Variants in SEPTIN8 observed in about 807,000 individuals in gnomAD.
The protein encoded by SEPTIN8 is septin-8.
In SEPTIN8, 22 loss-of-function variants were observed where a neutral mutation model predicts 53.1. The observed-to-expected ratio is 0.41, with a 90% CI of 0.30 to 0.59. The LOEUF (loss-of-function observed/expected upper bound fraction) is 0.59, where lower values mean the gene tolerates loss of function less well. Ranked by LOEUF, SEPTIN8 falls within the 20% of genes least tolerant of loss-of-function variation. SEPTIN8 has a pLI of 0.24. For missense variants in SEPTIN8, 536 were observed against 638.7 expected (o/e 0.84, Z 1.73); for synonymous variants, 228 against 248.4 (o/e 0.92, Z 0.77).
intron 9 of SEPTIN8, among the ~76,000 whole-genome samples, chr5:132,755,838 T>A (rs1165393352): frequency 1.3e-5 from 2 of 152,208 alleles, no homozygotes; most frequent in Non-Finnish European, 2.9e-5. Context: ...CTTTCACAGA[T>A]GTCTGTAGCA....
chr5:132,773,525 G>A lies in SEPTIN8; in HGVS notation c.30+3583C>T, dbSNP rs759061550. Among the ~76,000 whole-genome samples, 6 of 152,194 alleles carry A rather than the reference G, an allele frequency of 3.9e-5. No individual in the cohort carries two copies. The highest frequency in any genetic ancestry group is 8.8e-5 in the Non-Finnish European group (6 of 68,036). The stretch of plus-strand genomic sequence containing the variant: ...GTATCCACCCTCTCTGTCATCTCTG[G>A]TATTGGAATTTGGATCTTGTTCCCC... On this transcript the variant is annotated intron_variant, in intron 1 of 9. Coordinates refer to ENST00000378719, the MANE Select transcript of SEPTIN8 (RefSeq NM_001098811.2). The surrounding 1 kb of genome is among the most constrained non-coding windows in gnomAD (Gnocchi z 4.2).
At chr5:132,763,939 GC>G in intron 3 of SEPTIN8, 47 bp from the exon 4 acceptor site, 3 of 1,499,950 alleles carry the variant, frequency 2.0e-6, no homozygotes, top group Non-Finnish European at 2.7e-6. Flanking sequence ...GAGATCAGGG[GC>G]TTGGGGCTTG....
chr5:132,760,250 G>A lies in SEPTIN8; in HGVS notation c.1286+552C>T, dbSNP rs1195033420. Among the ~76,000 whole-genome samples, 1 of 152,024 alleles carries A rather than the reference G, an allele frequency of 6.6e-6. No individual in the cohort carries two copies. The highest frequency in any genetic ancestry group is 1.5e-5 in the Non-Finnish European group (1 of 68,018). On this transcript the variant is annotated intron_variant, in intron 9 of 9. Coordinates refer to ENST00000378719, the MANE Select transcript of SEPTIN8 (RefSeq NM_001098811.2). This position sits in a 1 kb window ranked among gnomAD's most constrained non-coding sequence, Gnocchi z 5.2. ...ACTGCCCCACAGACTGAGGAGGGATGCGCCACAGGTGTCCAAGCAGAAACC... is the reference window on the plus strand; with the variant it reads ...ACTGCCCCACAGACTGAGGAGGGATACGCCACAGGTGTCCAAGCAGAAACC...
chr5:132,763,346 T>C (rs896635081), intron 4 of SEPTIN8, among the ~76,000 whole-genome samples: 2 of 151,936 alleles, frequency 1.3e-5, no homozygotes, highest in Non-Finnish European at 2.9e-5. Context: ...AAATTAGGAA[T>C]TGAGAGATAG....
At chr5:132,758,473 C>A (rs1331930451) in intron 9 of SEPTIN8, 2 of 1,608,540 alleles carry the variant, frequency 1.2e-6, no homozygotes, top group African/African-American at 1.3e-5. Flanking sequence ...GGCCTAGCAT[C>A]CCGGCTGGGG....
intron 3 of SEPTIN8, 141 bp from the exon 4 acceptor site, chr5:132,764,033 G>A (rs1561755847): frequency 1.0e-6 from 1 of 1,002,070 alleles, no homozygotes; most frequent in Non-Finnish European, 1.5e-6. Context: ...ATCCCTGACT[G>A]GATACAGGCA....
In SEPTIN8 at chr5:132,773,431, C is replaced by T. The variant is rs13354173; in HGVS notation, c.30+3677G>A. Among the ~76,000 whole-genome samples the T allele has an allele frequency of 0.035, 5,352 of 152,254 alleles. 301 individuals carry two copies. The highest frequency in any genetic ancestry group is 0.12 in the African/African-American group (5,047 of 41,510). ...GCTGGACTTGAGCCACAGAGACATT[C>T]GTGGTAGTTACTGCCCCAAATATAA... On this transcript the variant is annotated intron_variant, in intron 1 of 9. Transcript: ENST00000378719. This position sits in a 1 kb window ranked among gnomAD's most constrained non-coding sequence, Gnocchi z 4.2.
At chr5:132,763,585 G>C in intron 4 of SEPTIN8, 121 bp downstream of exon 4, 1 of 875,526 alleles carries the variant, frequency 1.1e-6, no homozygotes, top group Non-Finnish European at 1.8e-6. Context: ...CCAATGGGGG[G>C]CCACCCACAA....
At chr5:132,765,633 C>A in intron 1 of SEPTIN8, 104 bp from the exon 2 acceptor site, 5 of 1,340,956 alleles carry the variant, frequency 3.7e-6, no homozygotes, top group Non-Finnish European at 5.0e-6. Flanking sequence ...CAGCCCCACC[C>A]GATGTCTGAA....
rs896310790 is a variant in SEPTIN8 at position 132,776,406 on chromosome 5, C to T, written c.30+702G>A. 4.6e-5 allele frequency among the ~76,000 whole-genome samples: 7 copies of T among 152,200 alleles called. No individual in the cohort carries two copies. The highest frequency in any genetic ancestry group is 9.7e-5 in the African/African-American group (4 of 41,450). ...CCCAGTGAGACCCCTGCAGGGACCA[C>T]CAGGGACATCAACCTTCTGAGGACC... On this transcript the variant is annotated intron_variant, in intron 1 of 9. Coordinates refer to ENST00000378719, the MANE Select transcript of SEPTIN8 (RefSeq NM_001098811.2). The surrounding 1 kb of genome is among the most constrained non-coding windows in gnomAD (Gnocchi z 4.4).
chr5:132,751,770 C>G lies in SEPTIN8; in HGVS notation c.*246G>C. ...AAGCAGACTTTTTTTTTTTTTTGGTCCCGGAGTGGAAGCTCAGCTTGGCCA... is the reference window on the plus strand; with the variant it reads ...AAGCAGACTTTTTTTTTTTTTTGGTGCCGGAGTGGAAGCTCAGCTTGGCCA... On this transcript the variant is annotated 3_prime_UTR_variant, in exon 10 of 10. Coordinates refer to ENST00000378719, the MANE Select transcript of SEPTIN8 (RefSeq NM_001098811.2). 1 of 604,294 alleles carries G rather than the reference C, an allele frequency of 1.7e-6. No homozygotes were observed. The highest frequency in any genetic ancestry group is 2.9e-5 in the East Asian group (1 of 34,240). 37.4% of individuals were successfully genotyped at this position (604,294 alleles called of 1,614,324 possible). A position where few individuals can be genotyped will look rare whatever the true frequency, so the allele number is the denominator to read the frequency against.
At chr5:132,759,000 G>A in intron 9 of SEPTIN8, 1 of 745,998 alleles carries the variant, frequency 1.3e-6, no homozygotes, top group South Asian at 1.5e-5. Flanking sequence ...CAGGCTAAGG[G>A]TCAAGATCTG....
chr5:132,778,140 A>C, upstream of SEPTIN8: 1 of 926,234 alleles, frequency 1.1e-6, no homozygotes, highest in South Asian at 5.0e-5. Flanking sequence ...AATCTATACA[A>C]AAGCAGCTCC....
rs191661318 is a variant in SEPTIN8 at position 132,761,308 on chromosome 5, C to T, written c.963-43G>A. The T allele has an allele frequency of 4.4e-5, 71 of 1,609,506 alleles. No individual in the cohort carries two copies. Among genetic ancestry groups the T allele is most frequent in the Non-Finnish European group, 5.2e-5 (61 of 1,179,808 alleles). ...AAAGAGGCCAAGGATGGGATTATGA[C>T]GGAATGGGATAGGGCAGGGCAGAGC... On this transcript the variant is annotated intron_variant, in intron 7 of 9. Coordinates refer to ENST00000378719, the MANE Select transcript of SEPTIN8 (RefSeq NM_001098811.2). This position sits in a 1 kb window ranked among gnomAD's most constrained non-coding sequence, Gnocchi z 5.8.
chr5:132,754,340 C>T (rs1190214848), intron 9 of SEPTIN8: 6 of 708,450 alleles, frequency 8.5e-6, no homozygotes, highest in Non-Finnish European at 1.6e-5. Context: ...CCGTTGAGTG[C>T]CCTCTGCCTC....
At chr5:132,757,337 C>T (rs540935176) in intron 9 of SEPTIN8, 19 of 985,310 alleles carry the variant, frequency 1.9e-5, no homozygotes, top group African/African-American at 5.2e-5. Flanking sequence ...TCTTCCTGGC[C>T]GTGCCTCGGT....
chr5:132,776,154 T>G lies in SEPTIN8; in HGVS notation c.30+954A>C, dbSNP rs2150010170. Among the ~76,000 whole-genome samples, 1 of 151,456 alleles carries G rather than the reference T, an allele frequency of 6.6e-6. No homozygotes were observed. Among genetic ancestry groups the G allele is most frequent in the East Asian group, 1.9e-4 (1 of 5,136 alleles). On this transcript the variant is annotated intron_variant, in intron 1 of 9. Coordinates refer to ENST00000378719, the MANE Select transcript of SEPTIN8 (RefSeq NM_001098811.2). The surrounding 1 kb of genome is among the most constrained non-coding windows in gnomAD (Gnocchi z 4.4). The stretch of plus-strand genomic sequence containing the variant: ...CCCTTCCCTCCAACAGCCCTGGGCC[T>G]CCCTCCTCCTCCTCCTCCTTCTCCC...
At chr5:132,764,547 G>T in intron 2 of SEPTIN8, 128 bp from the exon 3 acceptor site, 1 of 683,626 alleles carries the variant, frequency 1.5e-6, no homozygotes, top group Non-Finnish European at 2.4e-6. Context: ...GGGGCAGGCC[G>T]CCCACCCCAT....
chr5:132,764,232 C>T lies in SEPTIN8; in HGVS notation c.339G>A (p.Lys113=), dbSNP rs202013563. The change falls in exon 3 of 10, where the codon AAG becomes AAA. Residue 113 remains lysine, a synonymous_variant. Transcript: ENST00000378719. ...CCCTTCCCGCCTCTTGCCTCTCATC[C>T]TTATTGATCTGATCCCCAAAGCCCA... The part of the protein sequence containing the change: ...DAVGFGDQIN[K]DESYRPIVDY... The T allele has an allele frequency of 8.1e-6, 13 of 1,612,176 alleles. No homozygotes were observed. In the Admixed American group the frequency reaches 1.2e-4, roughly 14 times the overall value.
Sources: gnomAD v4.1 joint callset for allele counts (sites outside exome capture counted in the v4.1 genomes callset) on GRCh38, gnomAD v4.1.1 for gene constraint, Gnocchi (gnomAD v3.1) non-coding constraint, MANE v1.5 for transcripts, NCBI Gene and HGNC (gene_info 2026-07-23, HGNC 2026-07-21) for gene names.